Variants in TRPM3 observed in about 807,000 individuals in gnomAD.
The protein encoded by TRPM3 is long transient receptor potential channel 3.
TRPM3 carries 77 observed loss-of-function variants against 181.2 expected under a neutral mutation model. The observed-to-expected ratio is 0.42, with a 90% confidence interval of 0.35 to 0.51. The LOEUF is 0.51. Ranked by LOEUF, TRPM3 falls within the 20% of genes least tolerant of loss-of-function variation. The pLI, the probability that TRPM3 is intolerant of heterozygous loss-of-function variation, is 0.01. For synonymous variants in TRPM3, 745 were observed against 796.4 expected, an observed-to-expected ratio of 0.94 and a Z score of 1.09; for missense variants, 1,759 against 2,196.7, an observed-to-expected ratio of 0.80 and a Z score of 3.98.
At chr9:70,967,056 A>G (rs904192025) in intron 1 of TRPM3, among the ~76,000 whole-genome samples, 1 of 133,174 alleles carries the variant, frequency 7.5e-6, no homozygotes, top group Non-Finnish European at 1.7e-5. Flanking sequence ...GAAAAGAAGC[A>G]GTTTTCCCTT....
chr9:71,435,285 T>C (rs2094015610), intron 1 of TRPM3, among the ~76,000 whole-genome samples: 1 of 152,234 alleles, frequency 6.6e-6, no homozygotes, highest in Non-Finnish European at 1.5e-5. Flanking sequence ...CAAGATATCA[T>C]GTTATATGCC....
intron 1 of TRPM3, among the ~76,000 whole-genome samples, chr9:70,896,022 G>A (rs2132930688): frequency 6.6e-6 from 1 of 152,082 alleles, no homozygotes; most frequent in South Asian, 2.1e-4. Flanking sequence ...TGCCCTAAAA[G>A]GTCTAAAAAG....
intron 1 of TRPM3, among the ~76,000 whole-genome samples, chr9:70,964,498 G>A (rs543792408): frequency 6.6e-6 from 1 of 152,020 alleles, no homozygotes; most frequent in Non-Finnish European, 1.5e-5. Flanking sequence ...TAGATAACTG[G>A]TTGGGACAGC....
chr9:70,619,406 C>CTTTT (rs1170887633), intron 16 of TRPM3, among the ~76,000 whole-genome samples: 1,149 of 81,236 alleles, frequency 0.014, 19 homozygotes, highest in Middle Eastern at 0.023. Flanking sequence ...TCGTCGTCTT[C>CTTTT]TTTTTTTTTT....
rs963137342 is a variant in TRPM3, at chr9:70,853,513, C to T, written c.463-6922G>A. Reference sequence around the variant, plus strand: ...GTTTGCTATTTGGTCAAAGAAAGAGCGCTCAGTATTTTACATGGATATCCA... The same window carrying T: ...GTTTGCTATTTGGTCAAAGAAAGAGTGCTCAGTATTTTACATGGATATCCA... On this transcript the variant is annotated intron_variant, in intron 3 of 25. Transcript: ENST00000677713. 3.9e-5 allele frequency among the ~76,000 whole-genome samples: 6 copies of T among 152,146 alleles called. 1 individual carries two copies. In the East Asian group the frequency reaches 7.7e-4, roughly 20 times the overall value.
intron 7 of TRPM3, 86 bp downstream of exon 7, chr9:70,784,019 T>C (rs2083044501): frequency 6.6e-7 from 1 of 1,512,804 alleles, no homozygotes; most frequent in Non-Finnish European, 8.9e-7. Context: ...GAGGTCTTGG[T>C]TGAGCTACTG....
At position 70,536,150 on chromosome 9, in the gene TRPM3, G is replaced by C; in HGVS notation, c.4963C>G (p.Pro1655Ala). ...ERANSYSAEE[P>A]SAPYAHTRKS... ...CTGGTGTGTGCATATGGCGCACTTGGCTCCTCTGCCGAGTAGCTGTTGGCG... is the reference window on the plus strand; with the variant it reads ...CTGGTGTGTGCATATGGCGCACTTGCCTCCTCTGCCGAGTAGCTGTTGGCG... Residue 1655 changes from proline to alanine, a missense_variant, in exon 26 of 26, where the codon CCA (proline) becomes GCA (alanine). Transcript: ENST00000677713. 1 of 1,614,202 alleles carries C rather than the reference G, an allele frequency of 6.2e-7. No individual in the cohort carries two copies. Among genetic ancestry groups the C allele is most frequent in the South Asian group, 1.1e-5 (1 of 91,080 alleles).
chr9:70,943,150 G>C lies in TRPM3; in HGVS notation c.178-78639C>G, dbSNP rs3010422. 5.1e-3 allele frequency among the ~76,000 whole-genome samples: 769 copies of C among 152,210 alleles called. 8 individuals are homozygous for C. The highest frequency in any genetic ancestry group is 0.018 in the African/African-American group (752 of 41,528). On this transcript the variant is annotated intron_variant, in intron 1 of 25. Transcript: ENST00000677713. The stretch of plus-strand genomic sequence containing the variant: ...AATAGGAATAATGCCCACATCTAGG[G>C]GTTATGGGCTTAATGGATTAGGTGA...
intron 21 of TRPM3, among the ~76,000 whole-genome samples, chr9:70,596,334 A>T (rs1755105375): frequency 2.0e-5 from 3 of 152,228 alleles, no homozygotes; most frequent in Admixed American, 6.5e-5. Flanking sequence ...AGTCGTGATT[A>T]TTTAAGATTC....
At chr9:70,807,600 C>A (rs1482704886) in intron 6 of TRPM3, among the ~76,000 whole-genome samples, 1 of 152,070 alleles carries the variant, frequency 6.6e-6, no homozygotes, top group East Asian at 1.9e-4. Context: ...AGTTATTGAG[C>A]ACCTACTTGC....
At chr9:70,582,181 CGTGTGTGTGT>C (rs3073501) in intron 22 of TRPM3, among the ~76,000 whole-genome samples, 63 of 149,266 alleles carry the variant, frequency 4.2e-4, no homozygotes, top group Non-Finnish European at 6.4e-4. Flanking sequence ...CCACCCTGTG[CGTGTGTGTGT>C]GTGTGTGTGT....
At position 71,345,315 on chromosome 9, in the gene TRPM3, C is replaced by T. The variant is rs868073476; in HGVS notation, c.183+101338G>A. On this transcript the variant is annotated intron_variant, in intron 1 of 24. Coordinates refer to the TRPM3 transcript ENST00000357533. ...CGTATGTTTACTGCAGCACTATTCA[C>T]AATAGCAAAGACTTGGAACCAACCC... 2.6e-5 allele frequency among the ~76,000 whole-genome samples: 4 copies of T among 152,094 alleles called. No homozygotes were observed. In the South Asian group the frequency reaches 8.3e-4, roughly 32 times the overall value.
At chr9:71,205,435 GCTT>G (rs1405480776) in intron 1 of TRPM3, among the ~76,000 whole-genome samples, 1 of 152,092 alleles carries the variant, frequency 6.6e-6, no homozygotes, top group Non-Finnish European at 1.5e-5. Context: ...GCCTAGGTGT[GCTT>G]CTTTTACCTA....
At chr9:70,816,168 C>T (rs1260327713) in intron 6 of TRPM3, among the ~76,000 whole-genome samples, 1 of 152,164 alleles carries the variant, frequency 6.6e-6, no homozygotes. Context: ...AACAAAGTGA[C>T]CCAGTTCACT....
At chr9:71,031,659 C>T (rs536860694) in intron 1 of TRPM3, among the ~76,000 whole-genome samples, 169 of 151,682 alleles carry the variant, frequency 1.1e-3, no homozygotes, top group African/African-American at 3.1e-3. Flanking sequence ...ACAGAATTTC[C>T]CACTTCTGAG....
chr9:70,924,281 C>T (rs2096696548), intron 1 of TRPM3, among the ~76,000 whole-genome samples: 1 of 152,120 alleles, frequency 6.6e-6, no homozygotes, highest in Non-Finnish European at 1.5e-5. Flanking sequence ...CTTGATTCCT[C>T]TTTCCTCCCA....
rs1413132526 is a variant in TRPM3, at chr9:70,603,458, C to T, written c.2680G>A (p.Gly894Arg). ...KFWFYTLAYI[G>R]YLMLFNYIVL... ...ATATAGTTGAAGAGCATCAGGTATCCGATATACGCCAGCTGTAAGGAGACA... is the reference window on the plus strand; with the variant it reads ...ATATAGTTGAAGAGCATCAGGTATCTGATATACGCCAGCTGTAAGGAGACA... Residue 894 changes from glycine (G) to arginine (R), a missense_variant, in exon 20 of 26, where the codon GGA (glycine) becomes AGA (arginine). Coordinates refer to ENST00000677713, the MANE Select transcript of TRPM3 (RefSeq NM_001366145.2). 1.9e-6 allele frequency: 3 copies of T among 1,613,888 alleles called. No individual in the cohort carries two copies. The highest frequency in any genetic ancestry group is 1.3e-5 in the African/African-American group (1 of 74,890).
intron 19 of TRPM3, among the ~76,000 whole-genome samples, chr9:70,607,537 C>T (rs1398204484): frequency 6.6e-6 from 1 of 152,144 alleles, no homozygotes; most frequent in Non-Finnish European, 1.5e-5. Context: ...CAGGCCCCAC[C>T]ACCCCCCGCC....
intron 1 of TRPM3, among the ~76,000 whole-genome samples, chr9:70,912,893 A>C (rs2096552734): frequency 6.6e-6 from 1 of 152,230 alleles, no homozygotes; most frequent in South Asian, 2.1e-4. Flanking sequence ...GATGAGGCTT[A>C]ACATGCATAT....
Sources: gnomAD v4.1 joint callset for allele counts (sites outside exome capture counted in the v4.1 genomes callset) on GRCh38, gnomAD v4.1.1 for gene constraint, MANE v1.5 for transcripts, NCBI Gene and HGNC (gene_info 2026-07-23, HGNC 2026-07-21) for gene names.